The following CFAP90 variants were observed in gnomAD, a reference collection of about 807,000 sequenced individuals.
The protein encoded by CFAP90 is cilia- and flagella-associated protein 90.
chr5:7,848,093 A>G, the CFAP90 span, among the ~76,000 whole-genome samples: 1 of 152,206 alleles, frequency 6.6e-6, no homozygotes, highest in South Asian at 2.1e-4. Flanking sequence ...TGGCAGTCAC[A>G]TGAGTATTGC....
At chr5:7,849,882 T>C in the CFAP90 span, among the ~76,000 whole-genome samples, 1 of 152,090 alleles carries the variant, frequency 6.6e-6, no homozygotes, top group Non-Finnish European at 1.5e-5. Flanking sequence ...CCTTCTTTCC[T>C]TGCTAGCCTG....
chr5:7,843,397 C>G, the CFAP90 span, among the ~76,000 whole-genome samples: 1 of 152,190 alleles, frequency 6.6e-6, no homozygotes, highest in Non-Finnish European at 1.5e-5. Context: ...ATTCTATGTC[C>G]TCTCCTGGTA....
At chr5:7,844,685 G>C in the CFAP90 span, among the ~76,000 whole-genome samples, 1 of 152,192 alleles carries the variant, frequency 6.6e-6, no homozygotes, top group Non-Finnish European at 1.5e-5. Flanking sequence ...CTTTTGGAAA[G>C]GCATGTAAGC....
the CFAP90 span, among the ~76,000 whole-genome samples, chr5:7,832,785 G>A: frequency 6.6e-6 from 1 of 152,188 alleles, no homozygotes; most frequent in Non-Finnish European, 1.5e-5. Flanking sequence ...ACCACACCCA[G>A]CCCATGATTT....
At chr5:7,850,806 AGCCGCCCAGCCGCC>A in the CFAP90 span, 1 of 729,290 alleles carries the variant, frequency 1.4e-6, no homozygotes, top group Non-Finnish European at 1.7e-6. Flanking sequence ...CCAGCCGCCC[AGCCGCCCAGCCGCC>A]CAGCCGCCCA....
the CFAP90 span, among the ~76,000 whole-genome samples, chr5:7,843,722 T>G: frequency 6.6e-6 from 1 of 152,196 alleles, no homozygotes; most frequent in Admixed American, 6.5e-5. Flanking sequence ...GAATTCAATC[T>G]TATATGTTCC....
chr5:7,836,408 G>T, the CFAP90 span, among the ~76,000 whole-genome samples: 3 of 152,160 alleles, frequency 2.0e-5, no homozygotes, highest in African/African-American at 7.2e-5. Flanking sequence ...TCTGAAGGTT[G>T]CCTGAAAATC....
At chr5:7,833,361 T>C in the CFAP90 span, among the ~76,000 whole-genome samples, 1 of 139,044 alleles carries the variant, frequency 7.2e-6, no homozygotes, top group Non-Finnish European at 1.6e-5. Flanking sequence ...ATACATGTAT[T>C]CACACATATA....
the CFAP90 span, among the ~76,000 whole-genome samples, chr5:7,834,374 T>G: frequency 6.6e-6 from 1 of 152,326 alleles, no homozygotes; most frequent in African/African-American, 2.4e-5. Context: ...GTACAATGTG[T>G]GTTTTAAGCT....
At chr5:7,850,262 C>T in the CFAP90 span, among the ~76,000 whole-genome samples, 1 of 151,986 alleles carries the variant, frequency 6.6e-6, no homozygotes, top group East Asian at 1.9e-4. Flanking sequence ...GACCCTGCCG[C>T]GCCCCCTTCA....
chr5:7,833,602 T>C, the CFAP90 span, among the ~76,000 whole-genome samples: 2 of 151,872 alleles, frequency 1.3e-5, no homozygotes, highest in African/African-American at 4.8e-5. Flanking sequence ...TATACAAATA[T>C]ACATATCTGT....
the CFAP90 span, among the ~76,000 whole-genome samples, chr5:7,850,703 T>C: frequency 3.7e-5 from 1 of 27,188 alleles, no homozygotes; most frequent in African/African-American, 1.5e-4. Flanking sequence ...CCCTACGCCC[T>C]CCCTCCGAGG....
the CFAP90 span, among the ~76,000 whole-genome samples, chr5:7,841,564 T>C: frequency 6.6e-6 from 1 of 152,144 alleles, no homozygotes; most frequent in African/African-American, 2.4e-5. Flanking sequence ...AGCAAAGATA[T>C]GGAGTCAACC....
the CFAP90 span, among the ~76,000 whole-genome samples, chr5:7,839,611 C>T: frequency 6.6e-6 from 1 of 152,190 alleles, no homozygotes; most frequent in East Asian, 1.9e-4. Context: ...ATGCCTATTT[C>T]TTCTCATTCT....
chr5:7,845,684 C>T, the CFAP90 span, among the ~76,000 whole-genome samples: 1 of 152,198 alleles, frequency 6.6e-6, no homozygotes, highest in Admixed American at 6.5e-5. Context: ...TTGAAGAACA[C>T]CGTTGAACGG....
At chr5:7,843,157 A>T in the CFAP90 span, among the ~76,000 whole-genome samples, 4 of 152,324 alleles carry the variant, frequency 2.6e-5, no homozygotes, top group South Asian at 4.1e-4. Flanking sequence ...GATCCAAAAC[A>T]GTTTCCTTTG....
chr5:7,840,309 C>T, the CFAP90 span, among the ~76,000 whole-genome samples: 21 of 152,304 alleles, frequency 1.4e-4, no homozygotes, highest in South Asian at 4.4e-3. Context: ...GGTCCACAGG[C>T]GGCCTGGGCA....
chr5:7,838,888 C>T, the CFAP90 span, among the ~76,000 whole-genome samples: 1 of 152,162 alleles, frequency 6.6e-6, no homozygotes, highest in East Asian at 1.9e-4. Context: ...CCCCTCAAAC[C>T]CTATAATGCT....
chr5:7,844,344 C>T, the CFAP90 span, among the ~76,000 whole-genome samples: 1 of 152,200 alleles, frequency 6.6e-6, no homozygotes, highest in Non-Finnish European at 1.5e-5. Flanking sequence ...CCCCAAGTTA[C>T]TCTTAAGAAG....
Sources: allele counts gnomAD v4.1 joint callset (sites outside exome capture counted in the v4.1 genomes callset), GRCh38; gene constraint gnomAD v4.1.1; transcripts MANE v1.5; gene names NCBI Gene and HGNC (gene_info 2026-07-23, HGNC 2026-07-21).